The following GOLGA4 variants were observed in gnomAD, a reference collection of about 807,000 sequenced individuals.
GOLGA4 encodes the protein golgin subfamily A member 4.
A neutral mutation model predicts 265.9 loss-of-function variants in GOLGA4; 169 were observed. The observed-to-expected ratio is 0.64, with a 90% CI of 0.56 to 0.72. The LOEUF is 0.72. GOLGA4 is among the 30% of genes least tolerant of loss of function. The probability of loss-of-function intolerance (pLI) is 0.00; values close to 1 mark genes in which losing one functional copy is unlikely to be tolerated. For synonymous variants in GOLGA4, 923 were observed against 855.8 expected, an observed-to-expected ratio of 1.08 and a Z score of -1.37; for missense variants, 2,482 against 2,483.4, an observed-to-expected ratio of 1.00 and a Z score of 0.01.
At chr3:37,278,808 G>A (rs1372409087) in intron 2 of GOLGA4, among the ~76,000 whole-genome samples, 1 of 143,670 alleles carries the variant, frequency 7.0e-6, no homozygotes, top group Admixed American at 6.9e-5. Context: ...CACTCAGTTT[G>A]TTTACTTTTT....
Position 37,324,029 on chromosome 3 carries a change from G to C in GOLGA4, c.2143G>C (p.Asp715His). 5 of 1,613,904 alleles carry C rather than the reference G, an allele frequency of 3.1e-6. No individual in the cohort carries two copies. The highest frequency in any genetic ancestry group is 2.2e-5 in the South Asian group (2 of 91,072). The change falls in exon 14 of 24, where the codon GAT becomes CAT. Residue 715 changes from aspartate (D) to histidine (H), a missense_variant. Physicochemically the swap from Asp to His is moderately conservative, Grantham distance 81. This residue lies in a region of GOLGA4 where 1,536 missense variants were observed against 1,483.7 expected (regional missense o/e 1.04). Transcript: ENST00000361924. ...ACTTTCTGTTCTGAAAGATCAAACA[G>C]ATAAAATGAAGCAGGAATTAGAGGC... Reference protein sequence around the residue: ...EELSVLKDQTDKMKQELEAKM... With the variant: ...EELSVLKDQTHKMKQELEAKM...
intron 23 of GOLGA4, among the ~76,000 whole-genome samples, chr3:37,362,197 TTTTATTTATTTATTTA>T (rs144532752): frequency 0.21 from 28,857 of 135,292 alleles, 3,706 homozygotes; most frequent in Non-Finnish European, 0.3. Flanking sequence ...TCTTTTAAGC[TTTTATTTATTTATTTA>T]TTTATTTATT....
intron 4 of GOLGA4, among the ~76,000 whole-genome samples, chr3:37,288,103 A>T (rs1429973459): frequency 5.1e-5 from 6 of 118,570 alleles, no homozygotes; most frequent in South Asian, 2.7e-4. Context: ...TAGCTTCTTG[A>T]TTTTTTTTTT....
intron 11 of GOLGA4, among the ~76,000 whole-genome samples, chr3:37,316,739 G>A (rs924032155): frequency 6.6e-6 from 1 of 151,890 alleles, no homozygotes; most frequent in South Asian, 2.1e-4. Flanking sequence ...AAGAAAAGTG[G>A]TATTTTCCTT....
At chr3:37,263,078 T>C (rs1015967188) in intron 2 of GOLGA4, among the ~76,000 whole-genome samples, 1 of 152,242 alleles carries the variant, frequency 6.6e-6, no homozygotes, top group African/African-American at 2.4e-5. Flanking sequence ...ATGAGTGCCC[T>C]ATAGAGTTGT....
chr3:37,253,473 T>C (rs1283317059), intron 2 of GOLGA4, among the ~76,000 whole-genome samples: 1 of 152,146 alleles, frequency 6.6e-6, no homozygotes, highest in Non-Finnish European at 1.5e-5. Context: ...TCAAAGTACC[T>C]GTTAAAGTTG....
intron 1 of GOLGA4, among the ~76,000 whole-genome samples, chr3:37,245,834 G>A (rs1560261395): frequency 6.6e-6 from 1 of 152,024 alleles, no homozygotes. Context: ...AAAATGCTGG[G>A]ATTACAGGTG....
Position 37,282,094 on chromosome 3 carries a change from A to C in GOLGA4, c.299A>C (p.Glu100Ala). 2 of 1,614,204 alleles carry C rather than the reference A, an allele frequency of 1.2e-6. No homozygotes were observed. Among genetic ancestry groups the C allele is most frequent in the Non-Finnish European group, 1.7e-6 (2 of 1,180,016 alleles). Residue 100 changes from glutamate (E) to alanine (A), a missense_variant, in exon 3 of 24, where the codon GAA (glutamate) becomes GCA (alanine). Glu to Ala is a moderately radical substitution (Grantham distance 107, BLOSUM62 -1). Transcript: ENST00000361924. ...TCTTTGGTACGAACATCTTCCAGAG[A>C]ATCCCTGAATCGACTTGACCTGGAC... ...KESLVRTSSR[E>A]SLNRLDLDSS...
intron 5 of GOLGA4, among the ~76,000 whole-genome samples, chr3:37,290,329 A>G (rs1307644202): frequency 1.3e-5 from 2 of 152,326 alleles, no homozygotes; most frequent in Admixed American, 1.3e-4. Context: ...ATTAACAATC[A>G]GAATTAATCA....
Position 37,324,325 on chromosome 3 carries a change from G to T in GOLGA4, c.2439G>T (p.Gln813His), listed in dbSNP as rs530017993. The T allele has an allele frequency of 2.5e-6, 4 of 1,614,150 alleles. No individual in the cohort carries two copies. The Admixed American group carries it at 5.0e-5, about 20-fold the overall frequency. The change falls in exon 14 of 24, where the codon CAG (glutamine) becomes CAT (histidine). Residue 813 changes from glutamine to histidine, a missense_variant. Physicochemically the swap from Gln to His is conservative, Grantham distance 24. Coordinates refer to ENST00000361924, the MANE Select transcript of GOLGA4 (RefSeq NM_002078.5). ...CTTACCAGAGTGCCACACATGAGCA[G>T]ACAAAAGCATATGAGGAACAGTTGG... The part of the protein sequence containing the change: ...FQSYQSATHE[Q>H]TKAYEEQLAQ...
chr3:37,260,232 G>A (rs193287384), intron 2 of GOLGA4, among the ~76,000 whole-genome samples: 5 of 151,082 alleles, frequency 3.3e-5, no homozygotes, highest in African/African-American at 7.3e-5. Context: ...GGCCTCATTC[G>A]AAGCCATCCT....
In GOLGA4 at chr3:37,327,845, G is replaced by T; in HGVS notation, c.5939+20G>T. ...AATCAAGTAAGTTTTATTTCAGCTT[G>T]AATATTTTTATGGCAGTCCTTCTTA... is the stretch of plus-strand genomic sequence containing the variant. On this transcript the variant is annotated intron_variant, in intron 14 of 23. Coordinates refer to ENST00000361924, the MANE Select transcript of GOLGA4 (RefSeq NM_002078.5). The T allele has an allele frequency of 1.3e-6, 2 of 1,564,134 alleles. No homozygotes were observed. Among genetic ancestry groups the T allele is most frequent in the South Asian group, 2.4e-5 (2 of 84,900 alleles).
At chr3:37,260,033 T>C (rs553458299) in intron 2 of GOLGA4, among the ~76,000 whole-genome samples, 66 of 152,030 alleles carry the variant, frequency 4.3e-4, no homozygotes, top group Non-Finnish European at 6.9e-4. Flanking sequence ...TTCTGTAGAG[T>C]ATATTATCAC....
intron 13 of GOLGA4, 55 bp from the exon 14 acceptor site, chr3:37,323,533 T>C: frequency 9.8e-7 from 1 of 1,022,686 alleles, no homozygotes; most frequent in Non-Finnish European, 1.5e-6. Flanking sequence ...CTGTGTATCA[T>C]TGTTAGTAGA....
intron 16 of GOLGA4, among the ~76,000 whole-genome samples, chr3:37,332,371 G>C (rs2096993555): frequency 6.6e-6 from 1 of 152,200 alleles, no homozygotes; most frequent in African/African-American, 2.4e-5. Flanking sequence ...GCCACGCCCA[G>C]TGGCTTATGC....
intron 12 of GOLGA4, 103 bp from the exon 13 acceptor site, chr3:37,321,628 G>C: frequency 9.8e-7 from 1 of 1,020,802 alleles, no homozygotes; most frequent in Non-Finnish European, 1.5e-6. Context: ...TATCCAACAG[G>C]GCTGGGTGCA....
chr3:37,283,192 A>G (rs2096839391), intron 3 of GOLGA4, among the ~76,000 whole-genome samples: 1 of 152,210 alleles, frequency 6.6e-6, no homozygotes, highest in African/African-American at 2.4e-5. Flanking sequence ...CCCAAATGAA[A>G]TATACAAGAT....
At chr3:37,314,470 A>G (rs539003793) in intron 10 of GOLGA4, among the ~76,000 whole-genome samples, 23 of 151,908 alleles carry the variant, frequency 1.5e-4, no homozygotes, top group Non-Finnish European at 2.9e-4. Flanking sequence ...GTGAAACCCA[A>G]TCTCTACTAA....
At chr3:37,289,384 C>A in intron 5 of GOLGA4, 93 bp downstream of exon 5, 1 of 758,684 alleles carries the variant, frequency 1.3e-6, no homozygotes, top group South Asian at 1.8e-5. Flanking sequence ...ATATGCATCT[C>A]ATTAGTTATA....
Sources: gnomAD v4.1 joint callset for allele counts (sites outside exome capture counted in the v4.1 genomes callset) on GRCh38, gnomAD v4.1.1 for gene constraint, gnomAD v4.1.1 regional missense constraint, MANE v1.5 for transcripts, NCBI Gene and HGNC (gene_info 2026-07-23, HGNC 2026-07-21) for gene names.